Variants in PIP4K2B observed in about 807,000 individuals in gnomAD.
PIP4K2B encodes the protein phosphatidylinositol-5-phosphate 4-kinase type 2 beta, also known as phosphatidylinositol 5-phosphate 4-kinase type-2 beta.
A neutral mutation model predicts 42.0 loss-of-function variants in PIP4K2B; 3 were observed. The observed-to-expected ratio is 0.07, with a 90% CI of 0.03 to 0.18. The LOEUF (loss-of-function observed/expected upper bound fraction) is 0.18. Ranked by LOEUF, PIP4K2B falls within the 10% of genes least tolerant of loss-of-function variation. The pLI, the probability that PIP4K2B is intolerant of heterozygous loss-of-function variation, is 1.00. For missense variants in PIP4K2B, 332 were observed against 562.3 expected, an observed-to-expected ratio of 0.59 and a Z score of 4.14; for synonymous variants, 204 against 210.1, an observed-to-expected ratio of 0.97 and a Z score of 0.25.
rs1908846420 is a variant in PIP4K2B at position 38,768,709 on chromosome 17, T to C, written c.*982A>G. The C allele has an allele frequency of 6.6e-6, 1 of 152,148 alleles. No homozygotes were observed. Among genetic ancestry groups the C allele is most frequent in the South Asian group, 2.1e-4 (1 of 4,824 alleles). 9.4% of individuals were successfully genotyped at this position (152,148 alleles called of 1,614,324 possible). A position where few individuals can be genotyped will look rare whatever the true frequency, so the allele number is the denominator to read the frequency against. ...GAGGAGGTCAGAAGGAAGAAGGAAA[T>C]AGATCGAGGGCACAGGGCCTCATTT... On this transcript the variant is annotated 3_prime_UTR_variant, in exon 10 of 10. Coordinates refer to ENST00000619039, the MANE Select transcript of PIP4K2B (RefSeq NM_003559.5).
chr17:38,794,763 ATTAAAG>A (rs1910548351), intron 1 of PIP4K2B, among the ~76,000 whole-genome samples: 1 of 152,128 alleles, frequency 6.6e-6, no homozygotes, highest in Non-Finnish European at 1.5e-5. Context: ...ACTGGACTTT[ATTAAAG>A]TTAAAAACTT....
At chr17:38,776,804 T>A (rs551401123) in intron 7 of PIP4K2B, among the ~76,000 whole-genome samples, 2 of 152,294 alleles carry the variant, frequency 1.3e-5, no homozygotes, top group East Asian at 3.9e-4. Flanking sequence ...CCAGATAACA[T>A]TTTCACTATT....
Position 38,780,586 on chromosome 17 carries a change from C to T in PIP4K2B, c.373G>A (p.Ala125Thr), listed in dbSNP as rs1909645039. 9.9e-6 allele frequency: 16 copies of T among 1,611,274 alleles called. No homozygotes were observed. The highest frequency in any genetic ancestry group is 1.7e-4 in the Middle Eastern group (1 of 6,052). Residue 125 changes from alanine (A) to threonine (T), a missense_variant, in exon 4 of 10, where the codon GCC becomes ACC. Around this residue, in one of 6 missense-constraint regions of PIP4K2B, gnomAD observed 186 missense variants for 288.4 expected, o/e 0.64. Coordinates refer to ENST00000619039, the MANE Select transcript of PIP4K2B (RefSeq NM_003559.5). ...CCCTGGCTGTCACTGTTGATGGGGG[C>T]GCTGCGCGTCACTGAATTCTGATAA... ...QDYQNSVTRS[A>T]PINSDSQGRC...
Position 38,780,533 on chromosome 17 carries a change from G to C in PIP4K2B, c.426C>G (p.Thr142=). ...TCTTGATGACAAAGCGCCGGTCGTA[G>C]GTGGTGAGGAAACGCGTGCCACACC... is the stretch of plus-strand genomic sequence containing the variant. ...QGRCGTRFLT[T]YDRRFVIKTV... is the part of the protein sequence containing the mutation. The change falls in exon 4 of 10, where the codon ACC becomes ACG. Residue 142 remains threonine, a synonymous_variant. Transcript: ENST00000619039. 3.7e-6 allele frequency: 6 copies of C among 1,614,088 alleles called. No individual in the cohort carries two copies. The highest frequency in any genetic ancestry group is 3.4e-6 in the Non-Finnish European group (4 of 1,179,914).
chr17:38,786,455 G>A (rs1472408137), intron 2 of PIP4K2B, among the ~76,000 whole-genome samples: 2 of 152,166 alleles, frequency 1.3e-5, no homozygotes, highest in African/African-American at 4.8e-5. Flanking sequence ...CCAAGAACAT[G>A]CCTGGCAACC....
At chr17:38,795,118 A>AAAAAAAG in intron 1 of PIP4K2B, among the ~76,000 whole-genome samples, 1 of 150,724 alleles carries the variant, frequency 6.6e-6, no homozygotes, top group African/African-American at 2.4e-5. Context: ...AAAAAAAAAA[A>AAAAAAAG]AAAAAAGAAA....
intron 7 of PIP4K2B, 117 bp downstream of exon 7, chr17:38,777,570 C>T: frequency 1.4e-6 from 1 of 732,198 alleles, no homozygotes; most frequent in South Asian, 1.7e-5. Flanking sequence ...GCTCAAATCA[C>T]CACCCTTTTG....
At chr17:38,780,737 T>C (rs1909658685) in intron 3 of PIP4K2B, 133 bp from the exon 4 acceptor site, 1 of 763,208 alleles carries the variant, frequency 1.3e-6, no homozygotes, top group Non-Finnish European at 2.1e-6. Flanking sequence ...GATGGGAGTT[T>C]ACCCTCCCCT....
intron 6 of PIP4K2B, 71 bp downstream of exon 6, chr17:38,778,263 G>A (rs1327318719): frequency 1.1e-5 from 16 of 1,420,544 alleles, no homozygotes; most frequent in Non-Finnish European, 1.6e-5. Flanking sequence ...GGTGGGCGAG[G>A]GACAGGATGG....
At position 38,768,078 on chromosome 17, in the gene PIP4K2B, G is replaced by A. The variant is rs1240398804; in HGVS notation, c.*1613C>T. The A allele has an allele frequency of 1.3e-5, 2 of 152,270 alleles. No individual in the cohort carries two copies. The highest frequency in any genetic ancestry group is 1.9e-4 in the East Asian group (1 of 5,202). The allele number at this position is 152,270 out of a possible 1,614,324, so 9.4% of individuals were successfully genotyped here. A position where few individuals can be genotyped will look rare whatever the true frequency, so the allele number is the denominator to read the frequency against. On this transcript the variant is annotated 3_prime_UTR_variant, in exon 10 of 10. Transcript: ENST00000619039. ...CTGCTTCGGAAGCTGGGCTTGGCCAGGTTTGGAGGGAGCCACAGGAAACCA... is the reference window on the plus strand; with the variant it reads ...CTGCTTCGGAAGCTGGGCTTGGCCAAGTTTGGAGGGAGCCACAGGAAACCA...
At chr17:38,769,938 G>A (rs954315549) in intron 9 of PIP4K2B, among the ~76,000 whole-genome samples, 167 bp from the exon 10 acceptor site, 1 of 151,894 alleles carries the variant, frequency 6.6e-6, no homozygotes, top group Non-Finnish European at 1.5e-5. Flanking sequence ...TGGCATACAA[G>A]TCCTGAACTG....
At chr17:38,795,778 G>A (rs1365912594) in intron 1 of PIP4K2B, among the ~76,000 whole-genome samples, 2 of 150,712 alleles carry the variant, frequency 1.3e-5, no homozygotes, top group African/African-American at 4.9e-5. Flanking sequence ...AAAAGAATAT[G>A]TACAAATGGC....
intron 1 of PIP4K2B, among the ~76,000 whole-genome samples, chr17:38,790,524 T>TCTC (rs1263944481): frequency 6.6e-6 from 1 of 152,176 alleles, no homozygotes; most frequent in Non-Finnish European, 1.5e-5. Context: ...AGTGGCAGAA[T>TCTC]CTCCGCTCAC....
At chr17:38,792,949 A>T (rs1598057847) in intron 1 of PIP4K2B, 1 of 151,572 alleles carries the variant, frequency 6.6e-6, no homozygotes, top group East Asian at 1.9e-4. Flanking sequence ...TTTTTTTTGA[A>T]ACGGAGTCTC....
intron 1 of PIP4K2B, among the ~76,000 whole-genome samples, chr17:38,793,708 A>C (rs1910464775): frequency 6.6e-6 from 1 of 152,218 alleles, no homozygotes; most frequent in South Asian, 2.1e-4. Context: ...CCGACTCTTC[A>C]AAAAATACAA....
chr17:38,783,238 G>A lies in PIP4K2B; in HGVS notation c.354+1005C>T, dbSNP rs1044567970. Among the ~76,000 whole-genome samples, 11 of 143,788 alleles carry A rather than the reference G, an allele frequency of 7.7e-5. No homozygotes were observed. The Admixed American group carries it at 7.8e-4, about 10-fold the overall frequency. 94.3% of individuals were successfully genotyped at this position (143,788 alleles called of 152,430 possible). A position where few individuals can be genotyped will look rare whatever the true frequency, so the allele number is the denominator to read the frequency against. On this transcript the variant is annotated intron_variant, in intron 3 of 9. Coordinates refer to ENST00000619039, the MANE Select transcript of PIP4K2B (RefSeq NM_003559.5). ...AAAAAAGTCAGCTATATTTCTTACA[G>A]CTGTAAAGGTGAAGTGGAAAATTCG...
At chr17:38,792,143 G>A (rs1910376018) in intron 1 of PIP4K2B, among the ~76,000 whole-genome samples, 1 of 128,240 alleles carries the variant, frequency 7.8e-6, no homozygotes, top group Non-Finnish European at 1.7e-5. Flanking sequence ...TACTGGAGAT[G>A]AAAATTCCTT....
At chr17:38,785,837 G>A (rs1240773615) in intron 2 of PIP4K2B, among the ~76,000 whole-genome samples, 2 of 152,304 alleles carry the variant, frequency 1.3e-5, no homozygotes, top group Middle Eastern at 3.4e-3. Flanking sequence ...AGGGGGTAGT[G>A]GTGCAATGCC....
chr17:38,798,811 A>C (rs1452186952), intron 1 of PIP4K2B, among the ~76,000 whole-genome samples: 1 of 152,232 alleles, frequency 6.6e-6, no homozygotes, highest in East Asian at 1.9e-4. Flanking sequence ...AGCAGCCACA[A>C]CAACCAAACG....
Sources: allele counts gnomAD v4.1 joint callset (sites outside exome capture counted in the v4.1 genomes callset), GRCh38; gene constraint gnomAD v4.1.1; regional missense constraint gnomAD v4.1.1; transcripts MANE v1.5; gene names NCBI Gene and HGNC (gene_info 2026-07-23, HGNC 2026-07-21).